TUBGCP6: variants seen among roughly 807,000 people sequenced by gnomAD.
TUBGCP6 encodes the protein gamma-tubulin complex component 6.
A neutral mutation model predicts 175.8 loss-of-function variants in TUBGCP6; 161 were observed. The ratio of observed to expected loss-of-function variants is 0.92; its 90% CI spans 0.81 to 1.04. The LOEUF (loss-of-function observed/expected upper bound fraction) is 1.04, where lower values mean the gene tolerates loss of function less well. Ranked by LOEUF, TUBGCP6 falls within the 50% of genes least tolerant of loss-of-function variation. TUBGCP6 has a pLI of 0.00. For missense variants in TUBGCP6, 2,572 were observed against 2,433.0 expected, an observed-to-expected ratio of 1.06 and a Z score of -1.20; for synonymous variants, 1,173 against 1,030.5, an observed-to-expected ratio of 1.14 and a Z score of -2.65.
rs1166482275 is a variant in TUBGCP6, at chr22:50,244,616, G to A, written c.-157C>T. On this transcript the variant is annotated 5_prime_UTR_variant, in exon 1 of 25. Coordinates refer to ENST00000248846, the MANE Select transcript of TUBGCP6 (RefSeq NM_020461.4). ...CTCAGAACTGGTATTTTTTAAAGGA[G>A]GTCTTGCGGTTGCTCTACTCAGAGT... The A allele has an allele frequency of 4.7e-6, 6 of 1,272,306 alleles. No individual in the cohort carries two copies. The highest frequency in any genetic ancestry group is 6.3e-6 in the Non-Finnish European group (6 of 952,508). 78.8% of individuals were successfully genotyped at this position (1,272,306 alleles called of 1,614,324 possible). A position where few individuals can be genotyped will look rare whatever the true frequency, so the allele number is the denominator to read the frequency against.
At chr22:50,218,677 C>T (rs753569974) in intron 21 of TUBGCP6, 26 bp downstream of exon 21, 1 of 1,613,320 alleles carries the variant, frequency 6.2e-7, no homozygotes. Flanking sequence ...CCTGTCCCAT[C>T]CCCCGCGGCC....
At position 50,243,762 on chromosome 22, in the gene TUBGCP6, G is replaced by A. The variant is rs2064878715; in HGVS notation, c.698C>T (p.Pro233Leu). 4 of 1,613,632 alleles carry A rather than the reference G, an allele frequency of 2.5e-6. No homozygotes were observed. The highest frequency in any genetic ancestry group is 1.1e-5 in the South Asian group (1 of 91,072). ...GAGGTCCGCATTGTCTGGCACGGGG[G>A]GCAGGCCCAGTCGGACGTCCATGTC... ...TYDMDVRLGL[P>L]PVPDNADLSG... Residue 233 changes from proline to leucine, a missense_variant, in exon 1 of 25, where the codon CCC becomes CTC. By Grantham distance (98) the Pro-to-Leu change is moderately conservative. Transcript: ENST00000248846.
In TUBGCP6 at chr22:50,218,417, A is replaced by G. The variant is rs746662498; in HGVS notation, c.4955-15T>C. On this transcript the variant is annotated splice_polypyrimidine_tract_variant and intron_variant, in intron 22 of 24. Coordinates refer to ENST00000248846, the MANE Select transcript of TUBGCP6 (RefSeq NM_020461.4). The stretch of plus-strand genomic sequence containing the variant: ...GCTCAGCAGGGCTGGCGGAGGGCAG[A>G]AGGCAGAGGGCAGAGGTGAGCGCAG... 3.7e-6 allele frequency: 6 copies of G among 1,612,772 alleles called. No individual in the cohort carries two copies. Among genetic ancestry groups the G allele is most frequent in the Non-Finnish European group, 4.2e-6 (5 of 1,179,814 alleles).
chr22:50,243,676 C>G, intron 1 of TUBGCP6, 43 bp downstream of exon 1: 1 of 1,484,332 alleles, frequency 6.7e-7, no homozygotes, highest in Non-Finnish European at 9.1e-7. Context: ...AAGCATTTTC[C>G]AAACCCCGAG....
rs1026073283 is a variant in TUBGCP6, at chr22:50,237,013, C to G, written c.905+3191G>C. On this transcript the variant is annotated intron_variant, in intron 2 of 24. Transcript: ENST00000248846. ...GATCCTGCAGGCTCTGGAGTGAACACCCCCCGCCCCAACAGGTCCCCAGAG... is the reference window on the plus strand; with the variant it reads ...GATCCTGCAGGCTCTGGAGTGAACAGCCCCCGCCCCAACAGGTCCCCAGAG... 2.0e-5 allele frequency among the ~76,000 whole-genome samples: 3 copies of G among 152,142 alleles called. No individual in the cohort carries two copies. The East Asian group carries it at 5.8e-4, about 29-fold the overall frequency.
intron 2 of TUBGCP6, among the ~76,000 whole-genome samples, chr22:50,236,178 C>T (rs183896634): frequency 1.3e-5 from 2 of 152,148 alleles, no homozygotes; most frequent in Non-Finnish European, 2.9e-5. Context: ...CTCTGTCACC[C>T]AGGCTGGAGT....
chr22:50,237,210 C>G (rs1198627185), intron 2 of TUBGCP6, among the ~76,000 whole-genome samples: 1 of 152,210 alleles, frequency 6.6e-6, no homozygotes, highest in Non-Finnish European at 1.5e-5. Context: ...GGGTGGGCAA[C>G]AGCAGGGGCG....
chr22:50,242,300 AT>A (rs1320867319), intron 1 of TUBGCP6, among the ~76,000 whole-genome samples: 4 of 151,768 alleles, frequency 2.6e-5, no homozygotes, highest in Admixed American at 6.6e-5. Context: ...AAAAAAAAAA[AT>A]CAAATAAAAT....
chr22:50,225,636 A>G (rs115409671), intron 10 of TUBGCP6, among the ~76,000 whole-genome samples, 158 bp downstream of exon 10: 35 of 81,102 alleles, frequency 4.3e-4, no homozygotes, highest in South Asian at 1.6e-3. Flanking sequence ...CTTCATCTCA[A>G]CTCCCCCTTG....
intron 2 of TUBGCP6, among the ~76,000 whole-genome samples, chr22:50,237,686 C>T (rs1244916861): frequency 2.0e-5 from 3 of 152,122 alleles, no homozygotes; most frequent in South Asian, 2.1e-4. Context: ...GCCGGAGCTC[C>T]GCAGCCTAGG....
Position 50,226,818 on chromosome 22 carries a change from A to T in TUBGCP6, c.1516T>A (p.Tyr506Asn). The T allele has an allele frequency of 6.3e-7, 1 of 1,586,734 alleles. No homozygotes were observed. The highest frequency in any genetic ancestry group is 1.1e-5 in the South Asian group (1 of 86,962). The change falls in exon 7 of 25, where the codon TAC becomes AAC. Residue 506 changes from tyrosine (Y) to asparagine (N), a missense_variant. Transcript: ENST00000248846. ...CTGCAGTTGTGCAGAGCCTCCTGGT[A>T]GAGGTAGGACAGCAGCTTCACGCCC... ...PTGVKLLSYL[Y>N]QEALHNCSNE...
chr22:50,226,674 C>T, intron 7 of TUBGCP6, 59 bp downstream of exon 7: 1 of 1,414,562 alleles, frequency 7.1e-7, no homozygotes, highest in South Asian at 1.2e-5. Flanking sequence ...AGGGACCGCT[C>T]TCAAGTGTCT....
Position 50,219,630 on chromosome 22 carries a change from ACTG to A in TUBGCP6, c.4315+11_4315+13del. 3 of 1,611,008 alleles carry A rather than the reference ACTG, an allele frequency of 1.9e-6. No homozygotes were observed. Among genetic ancestry groups the A allele is most frequent in the Non-Finnish European group, 2.5e-6 (3 of 1,177,976 alleles). ...AGCCCAGGGCTCCCTGCCAACAGCA[ACTG>A]CTGCACTCACACATGGACTCGTAAC... On this transcript the variant is annotated intron_variant, in intron 18 of 24. Coordinates refer to ENST00000248846, the MANE Select transcript of TUBGCP6 (RefSeq NM_020461.4).
intron 3 of TUBGCP6, among the ~76,000 whole-genome samples, chr22:50,230,944 A>G (rs6010212): frequency 0.087 from 12,946 of 148,746 alleles, 1,254 homozygotes; most frequent in African/African-American, 0.24. Context: ...TAGCTGGGCG[A>G]GGTAGTGCAC....
At position 50,221,133 on chromosome 22, in the gene TUBGCP6, G is replaced by A. The variant is rs779620115; in HGVS notation, c.3226C>T (p.Arg1076Trp). ...NVSDVAPTQPRWNTHGHVSNA... is the reference protein window; with the variant it reads ...NVSDVAPTQPWWNTHGHVSNA... ...GATACGTGTCCGTGGGTGTTCCACCGTGGCTGGGTGGGAGCCACATCTGAC... is the reference window on the plus strand; with the variant it reads ...GATACGTGTCCGTGGGTGTTCCACCATGGCTGGGTGGGAGCCACATCTGAC... Residue 1076 changes from arginine (R) to tryptophan (W), a missense_variant, in exon 16 of 25, where the codon CGG becomes TGG. Transcript: ENST00000248846. 50 of 1,607,534 alleles carry A rather than the reference G, an allele frequency of 3.1e-5. No individual in the cohort carries two copies. The South Asian group carries it at 3.4e-4, about 11-fold the overall frequency.
intron 3 of TUBGCP6, among the ~76,000 whole-genome samples, chr22:50,232,686 A>C (rs2064709873): frequency 1.3e-5 from 2 of 152,268 alleles, no homozygotes; most frequent in African/African-American, 4.8e-5. Context: ...CTTGCTGGTG[A>C]GCACTTTTCT....
At chr22:50,240,863 C>T (rs1168775911) in intron 1 of TUBGCP6, among the ~76,000 whole-genome samples, 1 of 152,122 alleles carries the variant, frequency 6.6e-6, no homozygotes. Flanking sequence ...GTGGTGGGCA[C>T]CTGTGGTCCC....
In TUBGCP6 at chr22:50,220,509, G is replaced by A. The variant is rs753862962; in HGVS notation, c.3850C>T (p.Pro1284Ser). The change falls in exon 16 of 25, where the codon CCA (proline) becomes TCA (serine). Residue 1284 changes from proline (P) to serine (S), a missense_variant. Transcript: ENST00000248846. ...PPHMVLGALS[P>S]EAEPNTPRPQ... ...CTGGGTGTGTTGGGCTCAGCTTCTG[G>A]TGAGAGAGCCCCCAGCACCATGTGG... The A allele has an allele frequency of 1.2e-6, 2 of 1,613,484 alleles. No homozygotes were observed. The highest frequency in any genetic ancestry group is 1.7e-6 in the Non-Finnish European group (2 of 1,180,016).
Position 50,240,079 on chromosome 22 carries a change from T to G in TUBGCP6, c.905+125A>C. The G allele has an allele frequency of 7.5e-6, 10 of 1,333,868 alleles. No homozygotes were observed. The South Asian group carries it at 1.3e-4, about 17-fold the overall frequency. 82.6% of individuals were successfully genotyped at this position (1,333,868 alleles called of 1,614,324 possible). A position where few individuals can be genotyped will look rare whatever the true frequency, so the allele number is the denominator to read the frequency against. On this transcript the variant is annotated intron_variant, in intron 2 of 24. Coordinates refer to ENST00000248846, the MANE Select transcript of TUBGCP6 (RefSeq NM_020461.4). ...ACTCAGTCAATTTTGGACACTAGCT[T>G]AGGTTACTAACCCATCACAACTGCC...
Sources: gnomAD v4.1 joint callset for allele counts (sites outside exome capture counted in the v4.1 genomes callset) on GRCh38, gnomAD v4.1.1 for gene constraint, MANE v1.5 for transcripts, NCBI Gene and HGNC (gene_info 2026-07-23, HGNC 2026-07-21) for gene names.